TMEM232: variants seen among roughly 807,000 people sequenced by gnomAD.
TMEM232 encodes transmembrane protein 232.
TMEM232 carries 80 observed loss-of-function variants against 78.8 expected under a neutral mutation model. The ratio of observed to expected loss-of-function variants is 1.01; its 90% CI spans 0.85 to 1.22. The LOEUF (loss-of-function observed/expected upper bound fraction) is 1.22, where lower values mean the gene tolerates loss of function less well. Among genes scored for constraint, TMEM232 ranks in the 50% most tolerant of loss-of-function variants. The pLI is 0.00. For synonymous variants in TMEM232, 297 were observed against 254.3 expected, an observed-to-expected ratio of 1.17 and a Z score of -1.60; for missense variants, 881 against 742.2, an observed-to-expected ratio of 1.19 and a Z score of -2.17.
chr5:110,475,607 G>C (rs1763165488), intron 12 of TMEM232, among the ~76,000 whole-genome samples: 1 of 150,714 alleles, frequency 6.6e-6, no homozygotes, highest in African/African-American at 2.5e-5. Context: ...GGAGAATCTA[G>C]ATGGAGCTCA....
chr5:110,721,667 G>A (rs1434913725), intron 1 of TMEM232, among the ~76,000 whole-genome samples: 4 of 10,420 alleles, frequency 3.8e-4, no homozygotes, highest in East Asian at 4.3e-3. Flanking sequence ...GTGTGTGTGT[G>A]TGTGTGTATA....
upstream of TMEM232, among the ~76,000 whole-genome samples, chr5:110,728,966 C>T (rs191902808): frequency 6.6e-6 from 1 of 151,658 alleles, no homozygotes; most frequent in Non-Finnish European, 1.5e-5. Flanking sequence ...CTCATTGCAA[C>T]CTCCACCTCC....
At chr5:110,574,109 A>T (rs1436819997) in intron 10 of TMEM232, among the ~76,000 whole-genome samples, 3 of 152,072 alleles carry the variant, frequency 2.0e-5, no homozygotes, top group Non-Finnish European at 4.4e-5. Flanking sequence ...TCAATAGAAT[A>T]CTAGTAAAAG....
intron 12 of TMEM232, among the ~76,000 whole-genome samples, chr5:110,525,500 G>A (rs965152857): frequency 4.0e-5 from 6 of 151,678 alleles, no homozygotes; most frequent in Non-Finnish European, 8.8e-5. Flanking sequence ...AAAATGCAAG[G>A]CATATATGAA....
At chr5:110,687,406 C>G (rs938778063) in intron 1 of TMEM232, among the ~76,000 whole-genome samples, 5 of 152,182 alleles carry the variant, frequency 3.3e-5, no homozygotes, top group African/African-American at 1.2e-4. Flanking sequence ...AATTTTCTCT[C>G]CATTTTTTCC....
In TMEM232 at chr5:110,585,416, TA is replaced by T. The variant is rs1778696233; in HGVS notation, c.1277-16792del. Among the ~76,000 whole-genome samples the T allele has an allele frequency of 2.0e-5, 3 of 152,276 alleles. No individual in the cohort carries two copies. The South Asian group carries it at 6.2e-4, about 32-fold the overall frequency. On this transcript the variant is annotated intron_variant, in intron 10 of 13. Transcript: ENST00000455884. ...GGTGAAGTCTCACCTCTATGGTTAATAACTATTTTCCACAGGCTCCATAGAT... is the reference window on the plus strand; with the variant it reads ...GGTGAAGTCTCACCTCTATGGTTAATACTATTTTCCACAGGCTCCATAGAT...
chr5:110,599,907 A>G (rs927862539), intron 10 of TMEM232, among the ~76,000 whole-genome samples: 4 of 152,206 alleles, frequency 2.6e-5, no homozygotes, highest in South Asian at 4.1e-4. Context: ...AATCGACCAC[A>G]TAATTGGAAG....
At chr5:110,462,915 T>A (rs1761693915) in intron 12 of TMEM232, among the ~76,000 whole-genome samples, 1 of 152,192 alleles carries the variant, frequency 6.6e-6, no homozygotes, top group South Asian at 2.1e-4. Flanking sequence ...AGTTGCTTCT[T>A]ATGGATGAGC....
rs70999969 is a variant in TMEM232, at chr5:110,652,294, G to GCACA, written c.126-9927_126-9924dup. Among the ~76,000 whole-genome samples the GCACA allele has an allele frequency of 6.3e-3, 909 of 145,436 alleles. 12 individuals carry two copies. Among genetic ancestry groups the GCACA allele is most frequent in the African/African-American group, 0.022 (854 of 38,910 alleles). On this transcript the variant is annotated intron_variant, in intron 2 of 13. Transcript: ENST00000455884. The stretch of plus-strand genomic sequence containing the variant: ...CAAGCACACAAAAGTGCACGCGCGC[G>GCACA]CACACACACACACACACACACACAC...
intron 12 of TMEM232, among the ~76,000 whole-genome samples, chr5:110,507,683 A>G (rs2149459446): frequency 6.6e-6 from 1 of 152,206 alleles, no homozygotes; most frequent in East Asian, 1.9e-4. Context: ...CCGAGTGCCA[A>G]GTAGATTTGC....
Position 110,667,306 on chromosome 5 carries a change from C to T in TMEM232, c.47G>A (p.Gly16Asp). The stretch of plus-strand genomic sequence containing the variant: ...CTCTTCATGATAAGGGGAAGATATG[C>T]CTCCACATGTATTAATCATAGGTGA... ...NKSPMINTCG[G>D]ISSPYHEELW... The change falls in exon 2 of 14, where the codon GGC (glycine) becomes GAC (aspartate). Residue 16 changes from glycine (G) to aspartate (D), a missense_variant. Gly to Asp is a moderately conservative substitution (Grantham distance 94). Coordinates refer to ENST00000455884, the MANE Select transcript of TMEM232 (RefSeq NM_001039763.4). 1 of 1,540,156 alleles carries T rather than the reference C, an allele frequency of 6.5e-7. No individual in the cohort carries two copies.
intron 10 of TMEM232, among the ~76,000 whole-genome samples, chr5:110,585,230 C>G (rs1490201261): frequency 2.6e-5 from 4 of 152,054 alleles, no homozygotes; most frequent in South Asian, 4.2e-4. Context: ...AGGGAATAAA[C>G]AGAATGGGAG....
chr5:110,526,262 T>C (rs1228024596), intron 12 of TMEM232, among the ~76,000 whole-genome samples: 1 of 150,608 alleles, frequency 6.6e-6, no homozygotes, highest in Non-Finnish European at 1.5e-5. Flanking sequence ...AAAAATGCTA[T>C]AAGCAAAATT....
chr5:110,512,182 A>T (rs1286355039), intron 12 of TMEM232, among the ~76,000 whole-genome samples: 1 of 152,206 alleles, frequency 6.6e-6, no homozygotes, highest in African/African-American at 2.4e-5. Flanking sequence ...TTTTATTGAA[A>T]GCTCCATTGT....
chr5:110,538,871 C>T (rs1418449859), intron 11 of TMEM232, among the ~76,000 whole-genome samples: 1 of 152,050 alleles, frequency 6.6e-6, no homozygotes, highest in Non-Finnish European at 1.5e-5. Flanking sequence ...TTGCAGAAAG[C>T]TTTCCTCCCA....
chr5:110,418,710 T>C (rs1234092169), downstream of TMEM232, among the ~76,000 whole-genome samples: 1 of 152,160 alleles, frequency 6.6e-6, no homozygotes, highest in Admixed American at 6.5e-5. Flanking sequence ...GGTGAACAGG[T>C]AGAAATACGC....
At chr5:110,650,444 C>A (rs529032185) in intron 2 of TMEM232, among the ~76,000 whole-genome samples, 5 of 152,094 alleles carry the variant, frequency 3.3e-5, no homozygotes, top group African/African-American at 7.2e-5. Flanking sequence ...AGTAAAAAAA[C>A]AAGGAACACT....
At chr5:110,522,648 T>C (rs1314343174) in intron 12 of TMEM232, among the ~76,000 whole-genome samples, 1 of 152,214 alleles carries the variant, frequency 6.6e-6, no homozygotes, top group Non-Finnish European at 1.5e-5. Context: ...TCAAATGCCT[T>C]TTCAGCACCT....
At chr5:110,540,801 A>G (rs1455845827) in intron 11 of TMEM232, among the ~76,000 whole-genome samples, 1 of 152,206 alleles carries the variant, frequency 6.6e-6, no homozygotes, top group Admixed American at 6.5e-5. Flanking sequence ...CTAAATATAC[A>G]TTCCCTGTGG....
Sources: gnomAD v4.1 joint callset for allele counts (sites outside exome capture counted in the v4.1 genomes callset) on GRCh38, gnomAD v4.1.1 for gene constraint, MANE v1.5 for transcripts, NCBI Gene and HGNC (gene_info 2026-07-23, HGNC 2026-07-21) for gene names.